The following ASTN1 variants were observed in gnomAD, a reference collection of about 807,000 sequenced individuals.
ASTN1 encodes astrotactin 1, also known as astrotactin-1.
Under a neutral mutation model 140.7 loss-of-function variants are expected in ASTN1, and 41 were observed. That is an observed-to-expected ratio of 0.29 (90% CI 0.23 to 0.38). The LOEUF is 0.38. Among genes scored for constraint, ASTN1 ranks in the 10% least tolerant of loss-of-function variants. ASTN1 has a pLI of 1.00. For synonymous variants in ASTN1, 640 were observed against 652.2 expected (o/e 0.98, Z 0.29); for missense variants, 1,479 against 1,678.8 (o/e 0.88, Z 2.08).
intron 20 of ASTN1, among the ~76,000 whole-genome samples, chr1:176,881,086 C>A (rs771200950): frequency 6.6e-6 from 1 of 152,174 alleles, no homozygotes; most frequent in Non-Finnish European, 1.5e-5. Flanking sequence ...GTCCCTATCC[C>A]AAGGGCTGAA....
rs182404153 is a variant in ASTN1, at chr1:177,099,205, T to C, written c.284-37940A>G. Among the ~76,000 whole-genome samples the C allele has an allele frequency of 3.9e-5, 6 of 152,320 alleles. 1 individual carries two copies. In the East Asian group the frequency reaches 1.2e-3, roughly 29 times the overall value. ...GAAGAAACTCCAAAGCTGATTTTTA[T>C]GTACTCTCTTTTTTCCTCCAAAAGC... On this transcript the variant is annotated intron_variant, in intron 1 of 22. Coordinates refer to ENST00000361833, the MANE Select transcript of ASTN1 (RefSeq NM_004319.3).
chr1:176,861,060 T>A (rs1419325957), downstream of ASTN1: 3 of 945,250 alleles, frequency 3.2e-6, no homozygotes. Context: ...AACATCCACA[T>A]ACCCAATGCT....
At chr1:176,900,415 G>A (rs1385149106) in intron 16 of ASTN1, among the ~76,000 whole-genome samples, 1 of 152,144 alleles carries the variant, frequency 6.6e-6, no homozygotes, top group Non-Finnish European at 1.5e-5. Context: ...CTTCCTAGTT[G>A]CTCAAGTCAG....
At chr1:177,104,521 ATAGAG>A (rs2102138043) in intron 1 of ASTN1, among the ~76,000 whole-genome samples, 1 of 152,314 alleles carries the variant, frequency 6.6e-6, no homozygotes, top group Admixed American at 6.5e-5. Context: ...TAAAGAGGAG[ATAGAG>A]TAGTGTATAA....
At chr1:177,067,826 G>T (rs1678440310) in intron 1 of ASTN1, among the ~76,000 whole-genome samples, 1 of 152,086 alleles carries the variant, frequency 6.6e-6, no homozygotes, top group African/African-American at 2.4e-5. Context: ...AACAGACAAA[G>T]GAGAAAGATG....
chr1:177,003,194 A>G (rs74490724), intron 8 of ASTN1, among the ~76,000 whole-genome samples: 119 of 152,164 alleles, frequency 7.8e-4, no homozygotes, highest in African/African-American at 2.8e-3. Context: ...CACACACACA[A>G]AAACTGCAGA....
chr1:177,126,111 A>G (rs1004210261), intron 1 of ASTN1, among the ~76,000 whole-genome samples: 4 of 152,146 alleles, frequency 2.6e-5, no homozygotes, highest in African/African-American at 9.7e-5. Flanking sequence ...TTGCTTCCTC[A>G]GGTGCTTTCT....
chr1:177,003,275 T>A (rs1419141547), intron 8 of ASTN1, among the ~76,000 whole-genome samples: 4 of 146,694 alleles, frequency 2.7e-5, no homozygotes, highest in Non-Finnish European at 3.0e-5. Flanking sequence ...AACAACACAT[T>A]AAAAAAAAAA....
intron 16 of ASTN1, among the ~76,000 whole-genome samples, chr1:176,902,335 T>A (rs1335195164): frequency 6.6e-6 from 1 of 152,224 alleles, no homozygotes; most frequent in Non-Finnish European, 1.5e-5. Flanking sequence ...CTCCAGGTGA[T>A]GGTTTTATTC....
intron 9 of ASTN1, among the ~76,000 whole-genome samples, chr1:176,961,007 C>A (rs999877752): frequency 6.6e-6 from 1 of 152,190 alleles, no homozygotes; most frequent in Admixed American, 6.5e-5. Context: ...TCCATCACCA[C>A]TCAGAAGAAT....
At chr1:177,008,513 G>A (rs1428024202) in intron 8 of ASTN1, among the ~76,000 whole-genome samples, 8 of 150,378 alleles carry the variant, frequency 5.3e-5, no homozygotes, top group East Asian at 4.0e-4. Context: ...AAGAGAGAGC[G>A]GGAGATAGGA....
At chr1:176,963,384 T>C (rs1672748157) in intron 9 of ASTN1, among the ~76,000 whole-genome samples, 1 of 152,174 alleles carries the variant, frequency 6.6e-6, no homozygotes, top group Non-Finnish European at 1.5e-5. Context: ...TGGTTTCTAT[T>C]AAAGTTCCTG....
At chr1:176,889,593 G>T (rs1669180235) in intron 17 of ASTN1, among the ~76,000 whole-genome samples, 2 of 152,166 alleles carry the variant, frequency 1.3e-5, no homozygotes, top group African/African-American at 2.4e-5. Context: ...CTTTACATTG[G>T]CCACCTTAGG....
intron 1 of ASTN1, among the ~76,000 whole-genome samples, chr1:177,090,466 C>T (rs1486960845): frequency 6.6e-6 from 1 of 152,128 alleles, no homozygotes; most frequent in African/African-American, 2.4e-5. Flanking sequence ...CTTATGTTTC[C>T]AGTCTCTGGT....
intron 8 of ASTN1, among the ~76,000 whole-genome samples, chr1:177,005,250 G>A (rs1055670233): frequency 2.6e-5 from 4 of 152,012 alleles, no homozygotes; most frequent in Admixed American, 6.6e-5. Flanking sequence ...ATTAATCATC[G>A]GGGAAATGTA....
At position 176,936,276 on chromosome 1, in the gene ASTN1, G is replaced by A; in HGVS notation, c.2472C>T (p.Ala824=). ...TGCAGCAGTGCTCACCCTGAGAGAT[G>A]GCCACTTGGTTGAGTTTGATGTGGT... ...VMYHIKLNQV[A]ISQALSNALH... is the part of the protein sequence containing the mutation. Residue 824 remains alanine, a synonymous_variant, in exon 15 of 23, where the codon GCC becomes GCT. Transcript: ENST00000361833. The A allele has an allele frequency of 6.2e-7, 1 of 1,613,814 alleles. No homozygotes were observed. The highest frequency in any genetic ancestry group is 8.5e-7 in the Non-Finnish European group (1 of 1,179,726).
chr1:177,061,157 AG>A lies in ASTN1; in HGVS notation c.391del (p.Leu131PhefsTer19). On this transcript the variant is annotated frameshift_variant, in exon 2 of 23. Transcript: ENST00000361833. LOFTEE classifies it high-confidence loss of function. ...TTCTTCAGTGGGGTCTTGTCCAGGA[AG>A]GCTTGGGGCACCATCTTGGTGATGA... ...HIHHQDGAPS[L>X]PGQDPTEEPQ... is the part of the protein sequence containing the mutation. 6.2e-7 allele frequency: 1 copy of A among 1,611,886 alleles called. No individual in the cohort carries two copies. Among genetic ancestry groups the A allele is most frequent in the South Asian group, 1.1e-5 (1 of 90,528 alleles).
intron 1 of ASTN1, among the ~76,000 whole-genome samples, chr1:177,136,056 C>T (rs949795486): frequency 2.0e-5 from 3 of 152,192 alleles, no homozygotes; most frequent in African/African-American, 7.2e-5. Flanking sequence ...TACCACTGCT[C>T]ATTAAGAGAG....
intron 7 of ASTN1, among the ~76,000 whole-genome samples, chr1:177,022,677 C>G (rs1400696634): frequency 6.6e-6 from 1 of 152,172 alleles, no homozygotes; most frequent in Non-Finnish European, 1.5e-5. Flanking sequence ...AAGAAAATAA[C>G]TTCAAATGTG....
Sources: gnomAD v4.1 joint callset for allele counts (sites outside exome capture counted in the v4.1 genomes callset) on GRCh38, gnomAD v4.1.1 for gene constraint, MANE v1.5 for transcripts, NCBI Gene and HGNC (gene_info 2026-07-23, HGNC 2026-07-21) for gene names.